Variants in CCNH observed in about 807,000 individuals in gnomAD.
The protein encoded by CCNH is cyclin-H.
A neutral mutation model predicts 41.9 loss-of-function variants in CCNH; 31 were observed. The observed-to-expected ratio is 0.74, with a 90% CI of 0.56 to 1.00. The LOEUF is 1.00. CCNH is among the 50% of genes least tolerant of loss of function. The pLI is 0.00. For missense variants in CCNH, 362 were observed against 388.4 expected (o/e 0.93, Z 0.57); for synonymous variants, 138 against 136.1 (o/e 1.01, Z -0.10).
At chr5:87,397,406 C>T (rs571941210) in intron 7 of CCNH, among the ~76,000 whole-genome samples, 3 of 152,214 alleles carry the variant, frequency 2.0e-5, no homozygotes, top group South Asian at 2.1e-4. Flanking sequence ...GTGATCCGCC[C>T]GCCTTAGCCT....
intron 9 of CCNH, among the ~76,000 whole-genome samples, chr5:87,358,948 A>G (rs565801134): frequency 8.1e-6 from 1 of 124,002 alleles, no homozygotes; most frequent in East Asian, 2.6e-4. Flanking sequence ...AAATTAGCAA[A>G]TGACACTTTA....
At chr5:87,315,335 G>A (rs962517111), downstream of CCNH, among the ~76,000 whole-genome samples, 2 of 152,178 alleles carry the variant, frequency 1.3e-5, no homozygotes, top group Admixed American at 6.5e-5. Flanking sequence ...GTAGTCACAT[G>A]GTAAGAGGGC....
chr5:87,342,123 C>T (rs895045857), intron 9 of CCNH, among the ~76,000 whole-genome samples: 5 of 151,538 alleles, frequency 3.3e-5, no homozygotes, highest in Non-Finnish European at 5.9e-5. Flanking sequence ...CTCCTCTCTA[C>T]CTATATCAGG....
Position 87,335,847 on chromosome 5 carries a change from A to T in CCNH, c.*91-16950T>A, listed in dbSNP as rs941677914. ...TTACAAAATTATGCATGGGTAAAAGATTCATTTAAAGTGCAAGATAGACCA... is the reference window on the plus strand; with the variant it reads ...TTACAAAATTATGCATGGGTAAAAGTTTCATTTAAAGTGCAAGATAGACCA... On this transcript the variant is annotated intron_variant and NMD_transcript_variant, in intron 9 of 9. Coordinates refer to the CCNH transcript ENST00000645953. Among the ~76,000 whole-genome samples, 8 of 152,232 alleles carry T rather than the reference A, an allele frequency of 5.3e-5. 1 individual carries two copies. Among genetic ancestry groups the T allele is most frequent in the Admixed American group, 3.9e-4 (6 of 15,286 alleles).
chr5:87,321,160 A>C (rs957755930), intron 9 of CCNH, among the ~76,000 whole-genome samples: 1 of 152,178 alleles, frequency 6.6e-6, no homozygotes, highest in Non-Finnish European at 1.5e-5. Flanking sequence ...TTTCAATGAT[A>C]CTGGAGGTGC....
intron 9 of CCNH, among the ~76,000 whole-genome samples, chr5:87,335,488 C>T (rs1757908593): frequency 7.3e-6 from 1 of 136,288 alleles, no homozygotes; most frequent in South Asian, 2.3e-4. Flanking sequence ...TGCAATGGTG[C>T]CATCTTGGGT....
chr5:87,374,765 G>A (rs550196365), downstream of CCNH: 6,658 of 1,558,722 alleles, frequency 4.3e-3, 18 homozygotes, highest in Non-Finnish European at 5.2e-3. Context: ...GGGTTTATTT[G>A]ATACTAGAAC....
At chr5:87,314,179 GATAAAAA>G (rs1404593156), downstream of CCNH, among the ~76,000 whole-genome samples, 71 of 151,922 alleles carry the variant, frequency 4.7e-4, no homozygotes, top group African/African-American at 1.2e-3. Flanking sequence ...GTCTCAAAAA[GATAAAAA>G]ATAAAAAATA....
At chr5:87,338,123 A>T (rs746639770) in intron 9 of CCNH, 14 of 1,609,618 alleles carry the variant, frequency 8.7e-6, no homozygotes, top group Non-Finnish European at 1.2e-5. Flanking sequence ...TCAATTCTAG[A>T]TTCTAAATAT....
chr5:87,334,435 C>T (rs1301123216), intron 9 of CCNH, among the ~76,000 whole-genome samples: 1 of 152,126 alleles, frequency 6.6e-6, no homozygotes, highest in East Asian at 1.9e-4. Context: ...TAATCTTATC[C>T]AGAAACACCC....
downstream of CCNH, chr5:87,374,442 CAT>C (rs772543160): frequency 3.1e-3 from 880 of 282,832 alleles, 1 homozygote; most frequent in East Asian, 4.6e-3. Context: ...GTTCTAATAG[CAT>C]ATATATATAT....
At chr5:87,408,212 A>C in intron 3 of CCNH, 26 bp from the exon 4 acceptor site, 1 of 686,328 alleles carries the variant, frequency 1.5e-6, no homozygotes, top group Non-Finnish European at 2.4e-6. Flanking sequence ...AGGAGGCAGG[A>C]GGCAGGGGGT....
intron 9 of CCNH, among the ~76,000 whole-genome samples, chr5:87,367,138 TAGTG>T (rs1293479020): frequency 6.6e-6 from 1 of 152,160 alleles, no homozygotes; most frequent in Non-Finnish European, 1.5e-5. Flanking sequence ...GAGAAGCACT[TAGTG>T]AGAAAGACTG....
chr5:87,313,482 A>T (rs896185780), downstream of CCNH, among the ~76,000 whole-genome samples: 1 of 152,140 alleles, frequency 6.6e-6, no homozygotes, highest in African/African-American at 2.4e-5. Flanking sequence ...AGCGATTATG[A>T]CTTTTGAATT....
chr5:87,361,509 C>A (rs577394205), intron 9 of CCNH, among the ~76,000 whole-genome samples: 1 of 152,190 alleles, frequency 6.6e-6, no homozygotes, highest in South Asian at 2.1e-4. Context: ...AAATATGAAT[C>A]CTTGCAAAAT....
At chr5:87,396,817 T>C (rs1208640309) in intron 7 of CCNH, among the ~76,000 whole-genome samples, 2 of 152,168 alleles carry the variant, frequency 1.3e-5, no homozygotes, top group Admixed American at 6.5e-5. Flanking sequence ...CATTGTACAA[T>C]ATGTATGAAA....
chr5:87,400,323 G>A (rs1255215978), intron 6 of CCNH, among the ~76,000 whole-genome samples: 1 of 152,142 alleles, frequency 6.6e-6, no homozygotes, highest in Non-Finnish European at 1.5e-5. Context: ...TATCTTAGTA[G>A]CATTAAACTT....
intron 9 of CCNH, among the ~76,000 whole-genome samples, chr5:87,332,861 A>G (rs1376797100): frequency 6.6e-6 from 1 of 152,170 alleles, no homozygotes; most frequent in African/African-American, 2.4e-5. Flanking sequence ...AGATTAAAAG[A>G]AAATACTGTA....
intron 9 of CCNH, among the ~76,000 whole-genome samples, chr5:87,321,035 G>A (rs1012454153): frequency 2.0e-5 from 3 of 152,138 alleles, no homozygotes; most frequent in Non-Finnish European, 4.4e-5. Context: ...TAAGCCTGTG[G>A]TTTAGGAAGA....
Sources: gnomAD v4.1 joint callset for allele counts (sites outside exome capture counted in the v4.1 genomes callset) on GRCh38, gnomAD v4.1.1 for gene constraint, MANE v1.5 for transcripts, NCBI Gene and HGNC (gene_info 2026-07-23, HGNC 2026-07-21) for gene names.